VPS13B: variants seen among roughly 807,000 people sequenced by gnomAD.
VPS13B encodes vacuolar protein sorting 13 homolog B.
VPS13B carries 285 observed loss-of-function variants against 426.4 expected under a neutral mutation model. The observed-to-expected ratio is 0.67, with a 90% confidence interval of 0.61 to 0.74. The LOEUF (loss-of-function observed/expected upper bound fraction) is 0.74, where lower values mean the gene tolerates loss of function less well. Ranked by LOEUF, VPS13B falls within the 30% of genes least tolerant of loss-of-function variation. VPS13B has a pLI of 0.00. For synonymous variants in VPS13B, 1,676 were observed against 1,676.4 expected, an observed-to-expected ratio of 1.00 and a Z score of 0.01; for missense variants, 4,537 against 4,782.6, an observed-to-expected ratio of 0.95 and a Z score of 1.51.
intron 12 of VPS13B, among the ~76,000 whole-genome samples, chr8:99,137,782 T>G (rs1458324676): frequency 2.0e-5 from 3 of 152,182 alleles, no homozygotes. Context: ...GATACTCAAA[T>G]TTGCATTTTA....
At chr8:99,476,586 G>A (rs1053860422) in intron 24 of VPS13B, among the ~76,000 whole-genome samples, 1 of 152,012 alleles carries the variant, frequency 6.6e-6, no homozygotes, top group Non-Finnish European at 1.5e-5. Flanking sequence ...GAAAATACAT[G>A]TATGATACCT....
intron 3 of VPS13B, among the ~76,000 whole-genome samples, chr8:99,047,201 T>A (rs373532317): frequency 6.6e-6 from 1 of 152,142 alleles, no homozygotes; most frequent in South Asian, 2.1e-4. Context: ...TATTTCAGTC[T>A]TGCTGCTTGT....
intron 35 of VPS13B, among the ~76,000 whole-genome samples, chr8:99,693,079 G>A (rs1831762252): frequency 7.2e-6 from 1 of 139,676 alleles, no homozygotes; most frequent in Admixed American, 7.5e-5. Flanking sequence ...AAAGAGTCCA[G>A]GACCAGATGG....
Position 99,204,871 on chromosome 8 carries a change from A to T in VPS13B, c.2515+11814A>T, listed in dbSNP as rs1315778301. On this transcript the variant is annotated intron_variant, in intron 17 of 61. Coordinates refer to ENST00000357162, the MANE Select transcript of VPS13B (RefSeq NM_152564.5). ...CAGGAAACAACAGATGCTGGAGAGG[A>T]TGTGGAGAAATAGAAATGCTTTTAC... Among the ~76,000 whole-genome samples the T allele has an allele frequency of 2.0e-5, 3 of 152,206 alleles. No homozygotes were observed. The East Asian group carries it at 5.8e-4, about 29-fold the overall frequency.
Position 99,507,837 on chromosome 8 carries a change from A to G in VPS13B, c.4224+634A>G, listed in dbSNP as rs887169588. The G allele has an allele frequency of 1.2e-6, 2 of 1,614,088 alleles. No homozygotes were observed. The highest frequency in any genetic ancestry group is 2.7e-5 in the African/African-American group (2 of 75,038). ...CTTCCTTTCCTGTACTGACAAGCTG[A>G]ACAGACGCACCTTGTTGGTTCGACC... On this transcript the variant is annotated intron_variant, in intron 28 of 61. Coordinates refer to ENST00000357162, the MANE Select transcript of VPS13B (RefSeq NM_152564.5).
chr8:99,347,228 G>A (rs1455325561), intron 19 of VPS13B: 1 of 152,292 alleles, frequency 6.6e-6, no homozygotes, highest in Non-Finnish European at 1.5e-5. Flanking sequence ...AGTTGGTACA[G>A]CTGTTGATCA....
intron 23 of VPS13B, among the ~76,000 whole-genome samples, chr8:99,457,917 C>CT (rs578207936): frequency 5.9e-5 from 9 of 151,782 alleles, no homozygotes; most frequent in Admixed American, 5.9e-4. Flanking sequence ...TTGCTGATTT[C>CT]TTTTTTTTAT....
rs74585763 is a variant in VPS13B at position 99,639,919 on chromosome 8, G to A, written c.5221-1892G>A. 2.0e-5 allele frequency among the ~76,000 whole-genome samples: 3 copies of A among 148,286 alleles called. No homozygotes were observed. In the East Asian group the frequency reaches 5.9e-4, roughly 29 times the overall value. Reference sequence around the variant, plus strand: ...CACCACTGAGGGGTTGTAGGCTGCAGTGAGCTATGATCACACCACTGCACT... The same window carrying A: ...CACCACTGAGGGGTTGTAGGCTGCAATGAGCTATGATCACACCACTGCACT... On this transcript the variant is annotated intron_variant, in intron 33 of 61. Coordinates refer to ENST00000357162, the MANE Select transcript of VPS13B (RefSeq NM_152564.5).
chr8:99,203,335 A>G (rs762927675), intron 17 of VPS13B, among the ~76,000 whole-genome samples: 21 of 152,206 alleles, frequency 1.4e-4, no homozygotes, highest in Non-Finnish European at 2.6e-4. Context: ...AAAACTCTCA[A>G]TAAACTAGGT....
intron 36 of VPS13B, among the ~76,000 whole-genome samples, chr8:99,705,454 CT>C (rs1332723983): frequency 6.6e-6 from 1 of 151,990 alleles, no homozygotes; most frequent in Non-Finnish European, 1.5e-5. Context: ...CTTGCTGTAA[CT>C]GTTATATGAT....
At position 99,877,182 on chromosome 8, in the gene VPS13B, C is replaced by T. The variant is rs547249111; in HGVS notation, c.*1516C>T. On this transcript the variant is annotated 3_prime_UTR_variant, in exon 62 of 62. Transcript: ENST00000357162. ...AACACCCACTGATCTTTAACTCTCA[C>T]ATGTTGGGCATAAGAAGTCACTATA... 13 of 152,112 alleles carry T rather than the reference C, an allele frequency of 8.5e-5. No homozygotes were observed. The highest frequency in any genetic ancestry group is 2.9e-4 in the African/African-American group (12 of 41,336). 9.4% of individuals were successfully genotyped at this position (152,112 alleles called of 1,614,324 possible).
At chr8:99,821,958 G>T (rs1400561447) in intron 50 of VPS13B, among the ~76,000 whole-genome samples, 2 of 152,204 alleles carry the variant, frequency 1.3e-5, no homozygotes, top group Non-Finnish European at 2.9e-5. Context: ...ATATGAGGAA[G>T]TTATATTCTT....
chr8:99,148,503 A>ATATTTT (rs1810871258), intron 14 of VPS13B, among the ~76,000 whole-genome samples: 3 of 152,180 alleles, frequency 2.0e-5, no homozygotes. Context: ...AATAAAATAA[A>ATATTTT]CTTAATCTTG....
chr8:99,483,954 AAAAAT>A (rs894924558), intron 25 of VPS13B, among the ~76,000 whole-genome samples: 4 of 152,126 alleles, frequency 2.6e-5, no homozygotes, highest in African/African-American at 9.7e-5. Flanking sequence ...GAAATGTAAT[AAAAAT>A]AAAATAAAAT....
chr8:99,780,044 A>G (rs566491045), intron 42 of VPS13B, among the ~76,000 whole-genome samples: 5 of 152,188 alleles, frequency 3.3e-5, no homozygotes, highest in Non-Finnish European at 7.4e-5. Flanking sequence ...GGAATTAATT[A>G]CCTAACATGG....
intron 58 of VPS13B, among the ~76,000 whole-genome samples, chr8:99,865,519 G>A (rs762933969): frequency 9.2e-5 from 14 of 152,182 alleles, no homozygotes; most frequent in Non-Finnish European, 1.6e-4. Context: ...AGTCCCCTCC[G>A]AGGGAGTGAC....
At chr8:99,308,325 C>T (rs1182389379) in intron 19 of VPS13B, among the ~76,000 whole-genome samples, 2 of 152,208 alleles carry the variant, frequency 1.3e-5, no homozygotes, top group East Asian at 3.9e-4. Flanking sequence ...GCTATCTCTC[C>T]CCTCTCCCCC....
At chr8:99,106,242 G>A (rs966450398) in intron 5 of VPS13B, among the ~76,000 whole-genome samples, 1 of 151,586 alleles carries the variant, frequency 6.6e-6, no homozygotes, top group African/African-American at 2.4e-5. Flanking sequence ...GACCAGCCTG[G>A]CCAACATGGT....
rs1833085029 is a variant in VPS13B, at chr8:99,720,325, A to T, written c.6658-20A>T. ...ATGTTTGTATTTAAAAGCTACTAGA[A>T]TTTTTTTATGATTTTAAAGGTCTTC... On this transcript the variant is annotated intron_variant, in intron 37 of 61. Coordinates refer to ENST00000357162, the MANE Select transcript of VPS13B (RefSeq NM_152564.5). 1.9e-6 allele frequency: 3 copies of T among 1,603,752 alleles called. No individual in the cohort carries two copies. In the East Asian group the frequency reaches 6.7e-5, roughly 36 times the overall value.
Sources: allele counts gnomAD v4.1 joint callset (sites outside exome capture counted in the v4.1 genomes callset), GRCh38; gene constraint gnomAD v4.1.1; transcripts MANE v1.5; gene names NCBI Gene and HGNC (gene_info 2026-07-23, HGNC 2026-07-21).